The following HTRA1 variants were observed in gnomAD, a reference collection of about 807,000 sequenced individuals.
HTRA1 encodes the protein HtrA serine peptidase 1, also known as serine protease HTRA1.
Under a neutral mutation model 49.7 loss-of-function variants are expected in HTRA1, and 26 were observed. The ratio of observed to expected loss-of-function variants is 0.52; its 90% CI spans 0.38 to 0.73. HTRA1 has a LOEUF of 0.73. Among genes scored for constraint, HTRA1 ranks in the 30% least tolerant of loss-of-function variants. The probability of loss-of-function intolerance (pLI) is 0.00; values close to 1 mark genes in which losing one functional copy is unlikely to be tolerated. For synonymous variants in HTRA1, 291 were observed against 286.9 expected (o/e 1.01, Z -0.14); for missense variants, 561 against 667.2 (o/e 0.84, Z 1.75).
intron 3 of HTRA1, among the ~76,000 whole-genome samples, chr10:122,496,169 G>A (rs1026028884): frequency 3.4e-5 from 5 of 148,518 alleles, no homozygotes; most frequent in Admixed American, 1.4e-4. Flanking sequence ...AGGTGGCCGC[G>A]GCGAGCAGGA....
At chr10:122,508,617 C>A in intron 5 of HTRA1, 39 bp from the exon 6 acceptor site, 2 of 1,308,636 alleles carry the variant, frequency 1.5e-6, no homozygotes, top group Non-Finnish European at 2.2e-6. Context: ...GCCGGTAAAG[C>A]TTCACGATTC....
intron 1 of HTRA1, among the ~76,000 whole-genome samples, chr10:122,473,760 G>A (rs1591026495): frequency 6.6e-6 from 1 of 152,066 alleles, no homozygotes; most frequent in East Asian, 1.9e-4. Context: ...CCCAGCCCTA[G>A]GAAACCACCG....
At chr10:122,463,960 G>A (rs2097482697) in intron 1 of HTRA1, among the ~76,000 whole-genome samples, 1 of 152,140 alleles carries the variant, frequency 6.6e-6, no homozygotes, top group Non-Finnish European at 1.5e-5. Context: ...GTGGCCCAGA[G>A]TCCCAGGGCT....
At chr10:122,485,662 T>G (rs890337369) in intron 1 of HTRA1, among the ~76,000 whole-genome samples, 1 of 152,212 alleles carries the variant, frequency 6.6e-6, no homozygotes, top group Non-Finnish European at 1.5e-5. Context: ...CCACTTTATG[T>G]GACTGTGTGA....
At chr10:122,496,560 G>A (rs2097498838) in intron 3 of HTRA1, among the ~76,000 whole-genome samples, 1 of 152,038 alleles carries the variant, frequency 6.6e-6, no homozygotes, top group Non-Finnish European at 1.5e-5. Flanking sequence ...GTGGGAAATG[G>A]GTGATGTAAA....
chr10:122,512,006 C>G lies in HTRA1; in HGVS notation c.1215C>G (p.Phe405Leu). The change falls in exon 8 of 9, where the codon TTC (phenylalanine) becomes TTG (leucine). Residue 405 changes from phenylalanine to leucine, a missense_variant. By Grantham distance (22) the Phe-to-Leu change is conservative. Around this residue, in one of 3 missense-constraint regions of HTRA1, gnomAD observed 179 missense variants for 173.4 expected, o/e 1.03. Transcript: ENST00000368984. Reference protein sequence around the residue: ...AKELKDRHRDFPDVISGAYII... With the variant: ...AKELKDRHRDLPDVISGAYII... ...AGCTGAAGGACCGGCACCGGGACTTCCCAGACGTGATCTCAGGAGCGTATA... is the reference window on the plus strand; with the variant it reads ...AGCTGAAGGACCGGCACCGGGACTTGCCAGACGTGATCTCAGGAGCGTATA... 1.9e-6 allele frequency: 3 copies of G among 1,613,948 alleles called. No individual in the cohort carries two copies. Among genetic ancestry groups the G allele is most frequent in the Non-Finnish European group, 2.5e-6 (3 of 1,179,928 alleles).
At position 122,489,520 on chromosome 10, in the gene HTRA1, A is replaced by G. The variant is rs749893529; in HGVS notation, c.671A>G (p.Asn224Ser). 6.2e-7 allele frequency: 1 copy of G among 1,614,210 alleles called. No homozygotes were observed. Among genetic ancestry groups the G allele is most frequent in the South Asian group, 1.1e-5 (1 of 91,078 alleles). Reference sequence around the variant, plus strand: ...GTGACAAATGCCCACGTGGTGACCAACAAGCACCGGGTCAAAGTTGAGCTG... The same window carrying G: ...GTGACAAATGCCCACGTGGTGACCAGCAAGCACCGGGTCAAAGTTGAGCTG... Reference protein sequence around the residue: ...LIVTNAHVVTNKHRVKVELKN... With the variant: ...LIVTNAHVVTSKHRVKVELKN... Residue 224 changes from asparagine to serine, a missense_variant, in exon 3 of 9, where the codon AAC (asparagine) becomes AGC (serine). Transcript: ENST00000368984.
chr10:122,508,453 G>A (rs1425872482), intron 5 of HTRA1, among the ~76,000 whole-genome samples: 2 of 152,266 alleles, frequency 1.3e-5, no homozygotes, highest in South Asian at 2.1e-4. Flanking sequence ...GAGTATGTGC[G>A]ATTCTTCCAC....
intron 1 of HTRA1, among the ~76,000 whole-genome samples, chr10:122,484,614 G>A (rs772545252): frequency 3.9e-5 from 6 of 152,182 alleles, no homozygotes; most frequent in Non-Finnish European, 8.8e-5. Flanking sequence ...ATTGTATGCC[G>A]TGGCTTGATC....
chr10:122,481,423 C>T (rs536637522), intron 1 of HTRA1, among the ~76,000 whole-genome samples: 131 of 152,310 alleles, frequency 8.6e-4, no homozygotes, highest in Non-Finnish European at 1.5e-3. Flanking sequence ...GACCGTGGCC[C>T]CAACCAGCTG....
At chr10:122,463,506 C>CT (rs1258598875) in intron 1 of HTRA1, among the ~76,000 whole-genome samples, 118 of 151,728 alleles carry the variant, frequency 7.8e-4, no homozygotes, top group African/African-American at 2.6e-3. Context: ...CTCTCTCTCT[C>CT]TTTTTTTTTC....
In HTRA1 at chr10:122,461,721, G is replaced by A; in HGVS notation, c.69G>A (p.Gln23=). The A allele has an allele frequency of 8.3e-7, 1 of 1,199,016 alleles. No homozygotes were observed. Among genetic ancestry groups the A allele is most frequent in the South Asian group, 1.9e-5 (1 of 51,666 alleles). The allele number at this position is 1,199,016 out of a possible 1,614,324, so 74.3% of individuals were successfully genotyped here. A position where few individuals can be genotyped will look rare whatever the true frequency, so the allele number is the denominator to read the frequency against. The change falls in exon 1 of 9, where the codon CAG becomes CAA. Residue 23 remains glutamine (Q), a synonymous_variant. Transcript: ENST00000368984. ...LLLLAAPASA[Q]LSRAGRSAPL... is the part of the protein sequence containing the mutation. ...TGCTGGCGGCGCCCGCCTCGGCGCA[G>A]CTGTCCCGGGCCGGCCGCTCGGCGC...
intron 7 of HTRA1, among the ~76,000 whole-genome samples, chr10:122,510,827 A>T (rs1257476540): frequency 2.0e-5 from 3 of 152,258 alleles, no homozygotes; most frequent in Non-Finnish European, 4.4e-5. Context: ...TGTGTTCATT[A>T]CTATGATGAA....
chr10:122,512,545 C>A (rs1296407922), intron 8 of HTRA1, among the ~76,000 whole-genome samples: 2 of 152,204 alleles, frequency 1.3e-5, no homozygotes, highest in Admixed American at 6.5e-5. Flanking sequence ...GCTCAACCAT[C>A]CATCAGGGTT....
At chr10:122,470,706 G>T (rs1046595500) in intron 1 of HTRA1, among the ~76,000 whole-genome samples, 1 of 152,050 alleles carries the variant, frequency 6.6e-6, no homozygotes, top group Non-Finnish European at 1.5e-5. Context: ...AACTCCTAAA[G>T]CTTCAGTGCT....
At chr10:122,462,307 TCG>T (rs1035804675) in intron 1 of HTRA1, among the ~76,000 whole-genome samples, 183 bp downstream of exon 1, 7 of 152,228 alleles carry the variant, frequency 4.6e-5, no homozygotes, top group Non-Finnish European at 7.3e-5. Flanking sequence ...GAACCGAGCT[TCG>T]CGCCCAGCCC....
chr10:122,514,257 T>C lies in HTRA1; in HGVS notation c.1341T>C (p.Asp447=), dbSNP rs1232454044. The C allele has an allele frequency of 5.0e-6, 8 of 1,613,584 alleles. No individual in the cohort carries two copies. In the Admixed American group the frequency reaches 1.2e-4, roughly 24 times the overall value. ...GACAGTCCGTGGTCTCCGCCAATGA[T>C]GTCAGCGACGTCATTAAAAGGGAAA... ...INGQSVVSAN[D]VSDVIKREST... is the part of the protein sequence containing the mutation. Residue 447 remains aspartate, a synonymous_variant, in exon 9 of 9, where the codon GAT becomes GAC. Transcript: ENST00000368984.
chr10:122,461,736 C>G lies in HTRA1; in HGVS notation c.84C>G (p.Gly28=). 8.6e-7 allele frequency: 1 copy of G among 1,156,868 alleles called. No homozygotes were observed. The allele number at this position is 1,156,868 out of a possible 1,614,324, so 71.7% of individuals were successfully genotyped here. A position where few individuals can be genotyped will look rare whatever the true frequency, so the allele number is the denominator to read the frequency against. ...APASAQLSRA[G]RSAPLAAGCP... is the part of the protein sequence containing the mutation. The stretch of plus-strand genomic sequence containing the variant: ...CCTCGGCGCAGCTGTCCCGGGCCGG[C>G]CGCTCGGCGCCTTTGGCCGCCGGGT... Residue 28 remains glycine (G), a synonymous_variant, in exon 1 of 9, where the codon GGC becomes GGG. Coordinates refer to ENST00000368984, the MANE Select transcript of HTRA1 (RefSeq NM_002775.5).
intron 7 of HTRA1, among the ~76,000 whole-genome samples, chr10:122,510,358 G>A (rs1282437564): frequency 2.6e-5 from 4 of 152,196 alleles, no homozygotes; most frequent in Non-Finnish European, 5.9e-5. Context: ...TGCATTCTGA[G>A]CTGGTTTTCT....
Sources: gnomAD v4.1 joint callset for allele counts (sites outside exome capture counted in the v4.1 genomes callset) on GRCh38, gnomAD v4.1.1 for gene constraint, gnomAD v4.1.1 regional missense constraint, MANE v1.5 for transcripts, NCBI Gene and HGNC (gene_info 2026-07-23, HGNC 2026-07-21) for gene names.